Variants in PCDH15 observed in about 807,000 individuals in gnomAD.
PCDH15 encodes the protein protocadherin related 15.
Under a neutral mutation model 178.5 loss-of-function variants are expected in PCDH15, and 129 were observed. That is an observed-to-expected ratio of 0.72 (90% confidence interval 0.63 to 0.84). The LOEUF (loss-of-function observed/expected upper bound fraction) is 0.84. Among genes scored for constraint, PCDH15 ranks in the 40% least tolerant of loss-of-function variants. The pLI is 0.00. For synonymous variants in PCDH15, 800 were observed against 732.0 expected (o/e 1.09, Z -1.50); for missense variants, 2,230 against 2,099.9 (o/e 1.06, Z -1.21).
At chr10:55,508,489 C>T (rs114908718) in intron 2 of PCDH15, among the ~76,000 whole-genome samples, 2,033 of 151,824 alleles carry the variant, frequency 0.013, 47 homozygotes, top group African/African-American at 0.047. Flanking sequence ...AGTTAGATCA[C>T]GTCAGTGTGT....
intron 25 of PCDH15, among the ~76,000 whole-genome samples, chr10:53,912,674 G>C (rs2083197902): frequency 6.6e-6 from 1 of 152,154 alleles, no homozygotes; most frequent in Admixed American, 6.5e-5. Context: ...CAAATCATGA[G>C]TGAACTTCCA....
intron 35 of PCDH15, among the ~76,000 whole-genome samples, chr10:53,814,990 G>A (rs1349555408): frequency 6.7e-6 from 1 of 150,270 alleles, no homozygotes; most frequent in East Asian, 2.0e-4. Context: ...AATCGAGTAA[G>A]GAACTGCTGA....
chr10:54,895,570 G>C (rs992253053), intron 3 of PCDH15, among the ~76,000 whole-genome samples: 1 of 152,118 alleles, frequency 6.6e-6, no homozygotes, highest in Admixed American at 6.6e-5. Context: ...ATTTGTCAGA[G>C]GCCAGAAAGA....
At chr10:54,908,805 G>A (rs554999062) in intron 2 of PCDH15, among the ~76,000 whole-genome samples, 1 of 152,142 alleles carries the variant, frequency 6.6e-6, no homozygotes, top group South Asian at 2.1e-4. Flanking sequence ...TCTCAGCAGA[G>A]AGGGTAGCTC....
chr10:55,223,460 A>T (rs1169165923), intron 1 of PCDH15, among the ~76,000 whole-genome samples: 1 of 152,158 alleles, frequency 6.6e-6, no homozygotes, highest in African/African-American at 2.4e-5. Flanking sequence ...TATTTTATTC[A>T]GAATTCCCAA....
At chr10:54,899,679 G>T (rs950647271) in intron 2 of PCDH15, among the ~76,000 whole-genome samples, 2 of 151,924 alleles carry the variant, frequency 1.3e-5, no homozygotes, top group Admixed American at 6.6e-5. Context: ...TGTATTTTTA[G>T]TAGAGATGGG....
chr10:55,471,239 CA>C (rs1839949993), intron 2 of PCDH15, among the ~76,000 whole-genome samples: 1 of 152,056 alleles, frequency 6.6e-6, no homozygotes, highest in Non-Finnish European at 1.5e-5. Context: ...TTCACATATA[CA>C]AAGTTTAATT....
In PCDH15 at chr10:55,526,210, A is replaced by T. The variant is rs796662147; in HGVS notation, c.-156+101415T>A. Among the ~76,000 whole-genome samples, 21 of 152,062 alleles carry T rather than the reference A, an allele frequency of 1.4e-4. No individual in the cohort carries two copies. In the South Asian group the frequency reaches 2.5e-3, roughly 18 times the overall value. On this transcript the variant is annotated intron_variant, in intron 2 of 5. Coordinates refer to the PCDH15 transcript ENST00000613346. ...AAATTAGCTATTAAACTTTCTAAGCATTGACTTATAATAGATAATCAACAC... is the reference window on the plus strand; with the variant it reads ...AAATTAGCTATTAAACTTTCTAAGCTTTGACTTATAATAGATAATCAACAC...
At chr10:54,535,704 C>T (rs1242008740) in intron 2 of PCDH15, among the ~76,000 whole-genome samples, 3 of 88,400 alleles carry the variant, frequency 3.4e-5, no homozygotes, top group East Asian at 4.5e-4. Context: ...AGCGAGACTC[C>T]ACCTCAAAAA....
At chr10:53,839,466 G>T (rs957352102) in intron 29 of PCDH15, among the ~76,000 whole-genome samples, 2 of 151,884 alleles carry the variant, frequency 1.3e-5, no homozygotes, top group African/African-American at 4.8e-5. Context: ...ATGTTTATAT[G>T]CTGTTTAAAA....
Position 54,151,078 on chromosome 10 carries a change from T to C in PCDH15, c.1784+2022A>G, listed in dbSNP as rs545518032. 2.0e-5 allele frequency among the ~76,000 whole-genome samples: 3 copies of C among 152,264 alleles called. No individual in the cohort carries two copies. In the East Asian group the frequency reaches 5.8e-4, roughly 29 times the overall value. On this transcript the variant is annotated intron_variant, in intron 14 of 37. Coordinates refer to ENST00000644397, the MANE Select transcript of PCDH15 (RefSeq NM_001384140.1). The stretch of plus-strand genomic sequence containing the variant: ...TTATTTGATCTGAGAAAAGCACCAT[T>C]ACTATTTTAAAAAGTCAATAAAATA...
intron 2 of PCDH15, among the ~76,000 whole-genome samples, chr10:55,470,422 A>G (rs1839931750): frequency 6.6e-6 from 1 of 152,182 alleles, no homozygotes; most frequent in African/African-American, 2.4e-5. Flanking sequence ...TGATAAATGA[A>G]CAGAAATCCA....
At chr10:55,284,493 G>C (rs1456942573) in intron 1 of PCDH15, among the ~76,000 whole-genome samples, 1 of 152,024 alleles carries the variant, frequency 6.6e-6, no homozygotes, top group African/African-American at 2.4e-5. Context: ...TGGTCATAAA[G>C]GTACAGTTTA....
intron 1 of PCDH15, among the ~76,000 whole-genome samples, chr10:55,257,447 C>A (rs1377220341): frequency 6.6e-6 from 1 of 151,992 alleles, no homozygotes; most frequent in African/African-American, 2.4e-5. Context: ...GAAGTTCGAA[C>A]CCATGGCAAA....
At chr10:55,230,050 C>T (rs932990918) in intron 1 of PCDH15, among the ~76,000 whole-genome samples, 4 of 151,988 alleles carry the variant, frequency 2.6e-5, no homozygotes, top group Non-Finnish European at 4.4e-5. Flanking sequence ...CACTTATAAC[C>T]TAGTGCCTGT....
At chr10:54,235,953 C>T (rs1288098624) in intron 9 of PCDH15, among the ~76,000 whole-genome samples, 1 of 152,158 alleles carries the variant, frequency 6.6e-6, no homozygotes, top group African/African-American at 2.4e-5. Context: ...ATTTTCTTTA[C>T]AGACAGCATT....
At chr10:53,877,630 G>A (rs1203251214) in intron 26 of PCDH15, among the ~76,000 whole-genome samples, 2 of 152,028 alleles carry the variant, frequency 1.3e-5, no homozygotes, top group African/African-American at 2.4e-5. Flanking sequence ...GCTGCTTCTT[G>A]GCTCCCACCT....
chr10:54,485,684 C>T (rs2137009171), intron 3 of PCDH15, among the ~76,000 whole-genome samples: 1 of 152,020 alleles, frequency 6.6e-6, no homozygotes, highest in Non-Finnish European at 1.5e-5. Context: ...GATGGAGTTG[C>T]TTTTTACCTT....
chr10:54,618,221 A>G (rs2093242866), intron 2 of PCDH15, among the ~76,000 whole-genome samples: 1 of 152,138 alleles, frequency 6.6e-6, no homozygotes, highest in South Asian at 2.1e-4. Context: ...CACCTATTAA[A>G]ATGACAGTAT....
Sources: gnomAD v4.1 joint callset for allele counts (sites outside exome capture counted in the v4.1 genomes callset) on GRCh38, gnomAD v4.1.1 for gene constraint, MANE v1.5 for transcripts, NCBI Gene and HGNC (gene_info 2026-07-23, HGNC 2026-07-21) for gene names.